The following PKN2 variants were observed in gnomAD, a reference collection of about 807,000 sequenced individuals.
The protein encoded by PKN2 is protein kinase N2.
PKN2 carries 38 observed loss-of-function variants against 119.1 expected under a neutral mutation model. The observed-to-expected ratio is 0.32, with a 90% CI of 0.25 to 0.42. PKN2 has a LOEUF of 0.42. Ranked by LOEUF, PKN2 falls within the 10% of genes least tolerant of loss-of-function variation. The pLI is 1.00. For synonymous variants in PKN2, 390 were observed against 384.9 expected (o/e 1.01, Z -0.15); for missense variants, 850 against 1,165.1 (o/e 0.73, Z 3.94).
At chr1:88,694,273 T>G (rs1192537940) in intron 1 of PKN2, among the ~76,000 whole-genome samples, 3 of 152,210 alleles carry the variant, frequency 2.0e-5, no homozygotes, top group Non-Finnish European at 4.4e-5. Context: ...GTTCTACCTA[T>G]TCATCCTTCC....
At chr1:88,749,470 A>G (rs1668902106) in intron 2 of PKN2, among the ~76,000 whole-genome samples, 1 of 152,224 alleles carries the variant, frequency 6.6e-6, no homozygotes, top group Non-Finnish European at 1.5e-5. Flanking sequence ...TAACATATTA[A>G]GAAAGCTTAA....
chr1:88,833,661 C>A lies in PKN2; in HGVS notation c.*213C>A. On this transcript the variant is annotated 3_prime_UTR_variant, in exon 22 of 22. Transcript: ENST00000370521. The stretch of plus-strand genomic sequence containing the variant: ...TCAGCGTAAATATGAGCACTGGAAA[C>A]AGTTTCATGGAGTTTAAGTTGAGTG... 1.9e-6 allele frequency: 1 copy of A among 519,090 alleles called. No homozygotes were observed. Among genetic ancestry groups the A allele is most frequent in the Non-Finnish European group, 3.4e-6 (1 of 293,744 alleles). 32.2% of individuals were successfully genotyped at this position (519,090 alleles called of 1,614,324 possible). A position where few individuals can be genotyped will look rare whatever the true frequency, so the allele number is the denominator to read the frequency against.
intron 3 of PKN2, among the ~76,000 whole-genome samples, chr1:88,763,602 CATCTCAA>C (rs1669533152): frequency 1.2e-5 from 1 of 86,912 alleles, no homozygotes; most frequent in Non-Finnish European, 2.3e-5. Context: ...AGCAAAACTC[CATCTCAA>C]AAAAAAAAAA....
intron 16 of PKN2, among the ~76,000 whole-genome samples, chr1:88,818,262 A>G (rs1249709106): frequency 6.6e-6 from 1 of 152,208 alleles, no homozygotes. Flanking sequence ...GGAAGAATCA[A>G]TATCTTGAAA....
chr1:88,816,504 C>G (rs1428674230), intron 16 of PKN2, among the ~76,000 whole-genome samples: 1 of 152,156 alleles, frequency 6.6e-6, no homozygotes, highest in Admixed American at 6.5e-5. Context: ...GCCTCAGCTT[C>G]CCAGAGTGCT....
chr1:88,735,509 T>G (rs1570552586), intron 1 of PKN2, among the ~76,000 whole-genome samples: 3 of 151,688 alleles, frequency 2.0e-5, no homozygotes. Flanking sequence ...GATGATAAAT[T>G]CTCTTAGTTT....
intron 18 of PKN2, among the ~76,000 whole-genome samples, chr1:88,826,185 C>G (rs1672491513): frequency 6.6e-6 from 1 of 152,176 alleles, no homozygotes; most frequent in Non-Finnish European, 1.5e-5. Context: ...GTGTCTTACT[C>G]TCGTTTTTAT....
chr1:88,746,505 A>G (rs918157515), intron 2 of PKN2, among the ~76,000 whole-genome samples: 5 of 151,934 alleles, frequency 3.3e-5, no homozygotes, highest in African/African-American at 4.8e-5. Context: ...AATATGAAAA[A>G]AATGATCAGT....
At chr1:88,697,721 T>G (rs1557546127) in intron 1 of PKN2, among the ~76,000 whole-genome samples, 1 of 152,182 alleles carries the variant, frequency 6.6e-6, no homozygotes, top group Non-Finnish European at 1.5e-5. Context: ...TTCTTAAGTC[T>G]TACTCATGTA....
intron 1 of PKN2, among the ~76,000 whole-genome samples, chr1:88,730,475 C>G (rs1467717649): frequency 6.6e-6 from 1 of 152,200 alleles, no homozygotes; most frequent in African/African-American, 2.4e-5. Context: ...GCTGTACTTT[C>G]AAGCCTTGGG....
chr1:88,834,638 T>C lies in PKN2; in HGVS notation c.*1190T>C, dbSNP rs1672866433. 6.6e-6 allele frequency: 1 copy of C among 152,420 alleles called. No individual in the cohort carries two copies. The highest frequency in any genetic ancestry group is 6.6e-5 in the Admixed American group (1 of 15,236). 9.4% of individuals were successfully genotyped at this position (152,420 alleles called of 1,614,324 possible). On this transcript the variant is annotated 3_prime_UTR_variant, in exon 22 of 22. Transcript: ENST00000370521. ...TATAAATATTTTTGATAAAACAGTC[T>C]ATATTTTATTAAAAAATGAATTATA...
chr1:88,772,729 A>C (rs866557622), intron 6 of PKN2, among the ~76,000 whole-genome samples: 5 of 152,288 alleles, frequency 3.3e-5, no homozygotes, highest in Middle Eastern at 3.4e-3. Context: ...AGCTATATCT[A>C]AGATTTTGAG....
chr1:88,718,750 C>T (rs1667553810), intron 1 of PKN2, among the ~76,000 whole-genome samples: 1 of 152,142 alleles, frequency 6.6e-6, no homozygotes, highest in Non-Finnish European at 1.5e-5. Context: ...CAGCCTTTCA[C>T]AATTACTTCC....
chr1:88,684,906 T>G (rs979663562), intron 1 of PKN2: 1 of 371,022 alleles, frequency 2.7e-6, no homozygotes, highest in African/African-American at 2.1e-5. Context: ...AGCGGGAGCC[T>G]GCTCTCGCCT....
chr1:88,745,183 T>C (rs1570568007), intron 2 of PKN2, among the ~76,000 whole-genome samples: 1 of 152,220 alleles, frequency 6.6e-6, no homozygotes, highest in Non-Finnish European at 1.5e-5. Flanking sequence ...AGCCGAAAGC[T>C]TTTCTTTTAA....
intron 2 of PKN2, among the ~76,000 whole-genome samples, chr1:88,758,481 A>G (rs1400355803): frequency 1.3e-5 from 2 of 152,138 alleles, no homozygotes; most frequent in Non-Finnish European, 2.9e-5. Context: ...TCACCCAGGT[A>G]TTAAGCCTAG....
chr1:88,768,348 T>C (rs1281413717), intron 3 of PKN2, among the ~76,000 whole-genome samples: 8 of 152,198 alleles, frequency 5.3e-5, no homozygotes, highest in Non-Finnish European at 8.8e-5. Context: ...TTCTGGAGGA[T>C]GTAGGGCAGA....
chr1:88,776,792 T>C (rs1277701182), intron 6 of PKN2, among the ~76,000 whole-genome samples: 2 of 152,176 alleles, frequency 1.3e-5, no homozygotes, highest in African/African-American at 4.8e-5. Flanking sequence ...TGTTTTGTGA[T>C]GAGAAATCCA....
At chr1:88,818,642 CT>C (rs1672116240) in intron 16 of PKN2, among the ~76,000 whole-genome samples, 1 of 141,304 alleles carries the variant, frequency 7.1e-6, no homozygotes, top group African/African-American at 2.8e-5. Context: ...AGTGAGACTC[CT>C]TCTCAAAAAA....
Sources: allele counts gnomAD v4.1 joint callset (sites outside exome capture counted in the v4.1 genomes callset), GRCh38; gene constraint gnomAD v4.1.1; transcripts MANE v1.5; gene names NCBI Gene and HGNC (gene_info 2026-07-23, HGNC 2026-07-21).